The following GRID2 variants were observed in gnomAD, a reference collection of about 807,000 sequenced individuals.
The protein encoded by GRID2 is glutamate ionotropic receptor delta type subunit 2.
In GRID2, 33 loss-of-function variants were observed where a neutral mutation model predicts 114.8. That is an observed-to-expected ratio of 0.29 (90% confidence interval 0.22 to 0.38). The LOEUF (loss-of-function observed/expected upper bound fraction) is 0.38, where lower values mean the gene tolerates loss of function less well. GRID2 is among the 10% of genes least tolerant of loss of function. The probability of loss-of-function intolerance (pLI) is 1.00; values close to 1 mark genes in which losing one functional copy is unlikely to be tolerated. For missense variants in GRID2, 1,184 were observed against 1,257.7 expected (o/e 0.94, Z 0.89); for synonymous variants, 505 against 449.9 (o/e 1.12, Z -1.55).
chr4:93,776,330 T>C (rs1039722321), downstream of GRID2, among the ~76,000 whole-genome samples: 1 of 152,228 alleles, frequency 6.6e-6, no homozygotes, highest in Non-Finnish European at 1.5e-5. Context: ...GACACCCTCT[T>C]ATGAGGCAGC....
chr4:92,935,746 G>T (rs1187836757), intron 2 of GRID2, among the ~76,000 whole-genome samples: 3 of 146,492 alleles, frequency 2.0e-5, no homozygotes, highest in African/African-American at 7.3e-5. Flanking sequence ...GGACATGGAT[G>T]AAATTGGAAA....
At chr4:92,809,613 C>G (rs1444685644) in intron 2 of GRID2, among the ~76,000 whole-genome samples, 1 of 151,932 alleles carries the variant, frequency 6.6e-6, no homozygotes, top group African/African-American at 2.4e-5. Context: ...TGATAGGTGA[C>G]CATCCAGCCC....
chr4:93,604,722 C>T (rs1740031374), intron 13 of GRID2, among the ~76,000 whole-genome samples: 1 of 152,156 alleles, frequency 6.6e-6, no homozygotes, highest in Non-Finnish European at 1.5e-5. Context: ...AGTTACCACC[C>T]TGATCAGTCA....
chr4:93,482,016 C>T (rs747810264), intron 11 of GRID2, among the ~76,000 whole-genome samples: 1 of 151,952 alleles, frequency 6.6e-6, no homozygotes, highest in Non-Finnish European at 1.5e-5. Flanking sequence ...AATGTCATTG[C>T]ATTCAATAGA....
chr4:92,509,862 G>T (rs1317810972), intron 1 of GRID2, among the ~76,000 whole-genome samples: 8 of 151,890 alleles, frequency 5.3e-5, no homozygotes, highest in African/African-American at 1.9e-4. Flanking sequence ...TTAAAAAATA[G>T]AGCAGAAAAA....
At chr4:92,634,241 A>T (rs62309164) in intron 2 of GRID2, among the ~76,000 whole-genome samples, 3 of 152,152 alleles carry the variant, frequency 2.0e-5, no homozygotes, top group Non-Finnish European at 4.4e-5. Flanking sequence ...ATAAAAGGAC[A>T]TAGGAGTCTT....
chr4:92,914,517 C>T (rs1035961423), intron 2 of GRID2, among the ~76,000 whole-genome samples: 23 of 151,994 alleles, frequency 1.5e-4, no homozygotes, highest in Non-Finnish European at 2.5e-4. Flanking sequence ...TTCATCACCC[C>T]GGTATTAAGC....
intron 5 of GRID2, among the ~76,000 whole-genome samples, chr4:93,215,983 C>A (rs1163696493): frequency 6.6e-6 from 1 of 152,010 alleles, no homozygotes; most frequent in East Asian, 1.9e-4. Flanking sequence ...GTAAAGACTA[C>A]CTTAAAACTA....
chr4:92,747,632 G>A (rs1298852929), intron 2 of GRID2, among the ~76,000 whole-genome samples: 1 of 151,790 alleles, frequency 6.6e-6, no homozygotes, highest in Admixed American at 6.6e-5. Flanking sequence ...TTCTAAATAT[G>A]GTATTCTTTT....
chr4:93,249,628 A>C (rs1748613522), intron 8 of GRID2, among the ~76,000 whole-genome samples: 1 of 152,110 alleles, frequency 6.6e-6, no homozygotes, highest in Non-Finnish European at 1.5e-5. Flanking sequence ...CAGAGTCAAA[A>C]AGGAACTTAA....
chr4:93,483,979 T>A (rs1726122652), intron 11 of GRID2, among the ~76,000 whole-genome samples: 1 of 151,980 alleles, frequency 6.6e-6, no homozygotes, highest in African/African-American at 2.4e-5. Context: ...CTTTACCTAA[T>A]TCTCTCTTCT....
intron 8 of GRID2, among the ~76,000 whole-genome samples, chr4:93,256,719 T>C (rs1441814118): frequency 6.6e-6 from 1 of 151,906 alleles, no homozygotes; most frequent in Non-Finnish European, 1.5e-5. Flanking sequence ...AAAAGAAAGA[T>C]AAATAAATGT....
At chr4:93,267,380 C>T (rs112156566) in intron 8 of GRID2, among the ~76,000 whole-genome samples, 17 of 152,136 alleles carry the variant, frequency 1.1e-4, no homozygotes, top group East Asian at 3.9e-4. Flanking sequence ...GGACAGTCCT[C>T]GGGCCTCTGG....
At chr4:92,884,047 T>A in intron 2 of GRID2, among the ~76,000 whole-genome samples, 1 of 151,708 alleles carries the variant, frequency 6.6e-6, no homozygotes, top group East Asian at 1.9e-4. Flanking sequence ...AGTATAAGGC[T>A]GTTATATCTA....
At chr4:92,469,671 A>C (rs1338882095) in intron 1 of GRID2, among the ~76,000 whole-genome samples, 2 of 152,054 alleles carry the variant, frequency 1.3e-5, no homozygotes, top group Non-Finnish European at 2.9e-5. Context: ...GAGTAATAGA[A>C]AGAAAGGCAT....
At chr4:92,880,685 TAAG>T (rs1375213345) in intron 2 of GRID2, among the ~76,000 whole-genome samples, 2 of 152,012 alleles carry the variant, frequency 1.3e-5, no homozygotes, top group Admixed American at 6.6e-5. Context: ...CAAAAACAAA[TAAG>T]AAAAAAACAC....
intron 4 of GRID2, among the ~76,000 whole-genome samples, chr4:93,205,215 T>A (rs999240050): frequency 2.7e-5 from 4 of 148,868 alleles, no homozygotes; most frequent in Non-Finnish European, 6.0e-5. Flanking sequence ...TATAAAGTGT[T>A]TTTTTTTTAT....
Position 92,733,087 on chromosome 4 carries a change from C to CCTCT in GRID2, c.244+142815_244+142818dup, listed in dbSNP as rs138334585. On this transcript the variant is annotated intron_variant, in intron 2 of 15. Transcript: ENST00000282020. ...ACACTCTGCTCCCTCTTCATGTCTT[C>CCTCT]CTCTCTCTCTCTCTCTCCAGTGTGT... Among the ~76,000 whole-genome samples, 8 of 150,592 alleles carry CCTCT rather than the reference C, an allele frequency of 5.3e-5. No homozygotes were observed. The South Asian group carries it at 6.3e-4, about 12-fold the overall frequency.
At chr4:92,818,060 A>G (rs1461991022) in intron 2 of GRID2, among the ~76,000 whole-genome samples, 2 of 152,150 alleles carry the variant, frequency 1.3e-5, no homozygotes, top group African/African-American at 4.8e-5. Flanking sequence ...TACATATGAG[A>G]TATTGATGAT....
Sources: allele counts gnomAD v4.1 joint callset (sites outside exome capture counted in the v4.1 genomes callset), GRCh38; gene constraint gnomAD v4.1.1; transcripts MANE v1.5; gene names NCBI Gene and HGNC (gene_info 2026-07-23, HGNC 2026-07-21).